Variants in KCNQ5 observed in about 807,000 individuals in gnomAD.
KCNQ5 encodes the protein potassium voltage-gated channel subfamily Q member 5.
A neutral mutation model predicts 98.2 loss-of-function variants in KCNQ5; 30 were observed. That is an observed-to-expected ratio of 0.31 (90% CI 0.23 to 0.41). KCNQ5 has a LOEUF of 0.41. Ranked by LOEUF, KCNQ5 falls within the 10% of genes least tolerant of loss-of-function variation. The pLI, the probability that KCNQ5 is intolerant of heterozygous loss-of-function variation, is 1.00. For missense variants in KCNQ5, 835 were observed against 1,182.5 expected (o/e 0.71, Z 4.31); for synonymous variants, 458 against 449.4 (o/e 1.02, Z -0.24).
At chr6:72,979,659 A>G (rs141143796) in intron 1 of KCNQ5, among the ~76,000 whole-genome samples, 1,655 of 152,200 alleles carry the variant, frequency 0.011, 37 homozygotes, top group African/African-American at 0.038. Context: ...TTCTTTTGCC[A>G]TGCAGAAGCT....
At chr6:73,017,624 G>A (rs1392082494) in intron 2 of KCNQ5, among the ~76,000 whole-genome samples, 1 of 152,094 alleles carries the variant, frequency 6.6e-6, no homozygotes, top group East Asian at 1.9e-4. Context: ...ATTACAGGCT[G>A]GATTCAATGA....
chr6:73,166,454 C>CT (rs1562216256), intron 10 of KCNQ5, among the ~76,000 whole-genome samples: 4 of 148,884 alleles, frequency 2.7e-5, no homozygotes, highest in African/African-American at 9.9e-5. Context: ...AAAAAAAAAC[C>CT]GCTTCATGGG....
Position 73,103,911 on chromosome 6 carries a change from C to A in KCNQ5, c.919-1346C>A, listed in dbSNP as rs9350489. Among the ~76,000 whole-genome samples the A allele has an allele frequency of 4.5e-3, 678 of 152,070 alleles. 2 individuals carry two copies. Among genetic ancestry groups the A allele is most frequent in the African/African-American group, 0.015 (625 of 41,396 alleles). The stretch of plus-strand genomic sequence containing the variant: ...ATAAATGCTTGAGGTGATGGATACC[C>A]CTTTTACCCTGATATCATCATTACA... On this transcript the variant is annotated intron_variant, in intron 5 of 13. Coordinates refer to ENST00000370398, the MANE Select transcript of KCNQ5 (RefSeq NM_019842.4).
intron 3 of KCNQ5, among the ~76,000 whole-genome samples, chr6:73,048,151 G>GTTT (rs2150362798): frequency 6.6e-6 from 1 of 152,316 alleles, no homozygotes; most frequent in South Asian, 2.1e-4. Context: ...GTCATCTACA[G>GTTT]ATAAGCACAA....
At chr6:72,735,890 C>G (rs1770803527) in intron 1 of KCNQ5, among the ~76,000 whole-genome samples, 1 of 152,052 alleles carries the variant, frequency 6.6e-6, no homozygotes, top group East Asian at 1.9e-4. Flanking sequence ...ATTTGAAAAA[C>G]TACTTAGACA....
intron 1 of KCNQ5, among the ~76,000 whole-genome samples, chr6:72,773,896 T>C (rs1773038052): frequency 6.6e-6 from 1 of 152,012 alleles, no homozygotes; most frequent in Non-Finnish European, 1.5e-5. Context: ...TAGTGTAGTA[T>C]TGGTGAGAGG....
intron 1 of KCNQ5, among the ~76,000 whole-genome samples, chr6:73,000,734 C>A (rs1208678693): frequency 6.6e-6 from 1 of 152,188 alleles, no homozygotes; most frequent in East Asian, 1.9e-4. Context: ...TCATTTACAG[C>A]CTAACCTAGA....
chr6:72,752,063 G>T (rs530143134), intron 1 of KCNQ5, among the ~76,000 whole-genome samples: 1 of 152,204 alleles, frequency 6.6e-6, no homozygotes, highest in South Asian at 2.1e-4. Context: ...TTGGGGGTAA[G>T]CTATCTCCAT....
chr6:73,073,452 G>C (rs1773381918), intron 3 of KCNQ5, among the ~76,000 whole-genome samples: 1 of 152,130 alleles, frequency 6.6e-6, no homozygotes, highest in Non-Finnish European at 1.5e-5. Context: ...TCTACCACTA[G>C]ATGCTCGTAG....
chr6:72,882,211 A>G (rs1447750513), intron 1 of KCNQ5, among the ~76,000 whole-genome samples: 2 of 152,248 alleles, frequency 1.3e-5, no homozygotes, highest in African/African-American at 4.8e-5. Flanking sequence ...TTTGTAAAAT[A>G]TGTGATGCCA....
Position 73,027,093 on chromosome 6 carries a change from T to C in KCNQ5, c.490-14843T>C, listed in dbSNP as rs573213887. Among the ~76,000 whole-genome samples the C allele has an allele frequency of 1.4e-3, 210 of 152,284 alleles. 1 individual carries two copies. The highest frequency in any genetic ancestry group is 5.0e-3 in the African/African-American group (207 of 41,562). ...TTGCTTCCCCAAAACTTGTAGCTTATTAGTTATTTAGAAGCCAGTATCAAG... is the reference window on the plus strand; with the variant it reads ...TTGCTTCCCCAAAACTTGTAGCTTACTAGTTATTTAGAAGCCAGTATCAAG... On this transcript the variant is annotated intron_variant, in intron 2 of 13. Coordinates refer to ENST00000370398, the MANE Select transcript of KCNQ5 (RefSeq NM_019842.4).
rs148987180 is a variant in KCNQ5 at position 73,043,156 on chromosome 6, G to A, written c.616+1094G>A. ...GCAGAGTGGATTTAAGGAAGAAAGT[G>A]TATCACCATCCATGGGCACTGTTAA... On this transcript the variant is annotated intron_variant, in intron 3 of 13. Transcript: ENST00000370398. 4.0e-3 allele frequency: 1,802 copies of A among 454,426 alleles called. 6 individuals carry two copies. The highest frequency in any genetic ancestry group is 0.011 in the Middle Eastern group (32 of 2,992). 28.1% of individuals were successfully genotyped at this position (454,426 alleles called of 1,614,324 possible).
At chr6:72,690,947 C>T (rs554554250) in intron 1 of KCNQ5, among the ~76,000 whole-genome samples, 64 of 151,620 alleles carry the variant, frequency 4.2e-4, no homozygotes, top group Non-Finnish European at 7.7e-4. Context: ...TTAATATTTC[C>T]TAAAGAATTG....
chr6:72,891,961 C>A (rs1430083721), intron 1 of KCNQ5, among the ~76,000 whole-genome samples: 4 of 152,098 alleles, frequency 2.6e-5, no homozygotes, highest in African/African-American at 7.2e-5. Flanking sequence ...GAATACTACA[C>A]TTTATGGTCA....
At chr6:72,873,031 G>A (rs117253604) in intron 1 of KCNQ5, among the ~76,000 whole-genome samples, 2,987 of 151,910 alleles carry the variant, frequency 0.02, 41 homozygotes, top group African/African-American at 0.039. Context: ...TTTTTGTAGC[G>A]GCCCACTAAA....
rs1200344110 is a variant in KCNQ5 at position 72,747,584 on chromosome 6, T to C, written c.398+124997T>C. 5.9e-5 allele frequency among the ~76,000 whole-genome samples: 9 copies of C among 152,140 alleles called. No individual in the cohort carries two copies. The East Asian group carries it at 1.5e-3, about 26-fold the overall frequency. ...CTTTCTCAGTCAGACAATTCATTAA[T>C]CATCTGATATTTTTTATAATACTAT... On this transcript the variant is annotated intron_variant, in intron 1 of 13. Transcript: ENST00000370398.
At chr6:73,129,533 T>G (rs1174938185) in intron 9 of KCNQ5, among the ~76,000 whole-genome samples, 1 of 152,262 alleles carries the variant, frequency 6.6e-6, no homozygotes, top group Non-Finnish European at 1.5e-5. Flanking sequence ...GTATTTATTC[T>G]TACATGCTAA....
At chr6:72,790,105 T>C (rs141454647) in intron 1 of KCNQ5, among the ~76,000 whole-genome samples, 1 of 152,334 alleles carries the variant, frequency 6.6e-6, no homozygotes, top group East Asian at 1.9e-4. Context: ...AATGTTGTTT[T>C]AAATATTAAC....
chr6:73,117,019 C>T (rs1775532817), intron 7 of KCNQ5, among the ~76,000 whole-genome samples: 1 of 152,238 alleles, frequency 6.6e-6, no homozygotes. Context: ...GTCCAAATCT[C>T]TTTGACTGCC....
Sources: gnomAD v4.1 joint callset for allele counts (sites outside exome capture counted in the v4.1 genomes callset) on GRCh38, gnomAD v4.1.1 for gene constraint, MANE v1.5 for transcripts, NCBI Gene and HGNC (gene_info 2026-07-23, HGNC 2026-07-21) for gene names.